RNF125: variants seen among roughly 807,000 people sequenced by gnomAD.
RNF125 encodes the protein E3 ubiquitin-protein ligase RNF125.
In RNF125, 21 loss-of-function variants were observed where a neutral mutation model predicts 26.0. The ratio of observed to expected loss-of-function variants is 0.81; its 90% CI spans 0.57 to 1.16. The LOEUF is 1.16. Among genes scored for constraint, RNF125 ranks in the 50% most tolerant of loss-of-function variants. The probability of loss-of-function intolerance (pLI) is 0.00; values close to 1 mark genes in which losing one functional copy is unlikely to be tolerated. For missense variants in RNF125, 270 were observed against 299.4 expected, an observed-to-expected ratio of 0.90 and a Z score of 0.72; for synonymous variants, 95 against 109.2, an observed-to-expected ratio of 0.87 and a Z score of 0.81.
chr18:32,029,363 A>T (rs909951884), intron 1 of RNF125, among the ~76,000 whole-genome samples: 31 of 151,486 alleles, frequency 2.0e-4, no homozygotes, highest in African/African-American at 7.3e-4. Context: ...GTGGTGGTTC[A>T]TGCCTGTAAT....
At chr18:32,055,979 C>CA (rs67968645) in intron 4 of RNF125, among the ~76,000 whole-genome samples, 23,363 of 78,470 alleles carry the variant, frequency 0.3, 4,043 homozygotes, top group East Asian at 0.44. Flanking sequence ...AACTCCATCT[C>CA]AAAAAAAAAA....
At chr18:32,031,109 A>C (rs1306494825) in intron 1 of RNF125, 1 of 152,022 alleles carries the variant, frequency 6.6e-6, no homozygotes, top group East Asian at 1.9e-4. Context: ...CCAAGTTTTC[A>C]TGCTTGAACT....
In RNF125 at chr18:32,069,326, AATATTTTTCAAATATTTATAGC is replaced by A. The variant is rs1489805716; in HGVS notation, c.*943_*964del. Reference sequence around the variant, plus strand: ...TTTATAACTGCATACATAAGAATTCAATATTTTTCAAATATTTATAGCTTATTTAGAAATATTTCTATAATAT... The same window carrying A: ...TTTATAACTGCATACATAAGAATTCATTATTTAGAAATATTTCTATAATAT... On this transcript the variant is annotated 3_prime_UTR_variant, in exon 6 of 6. Transcript: ENST00000217740. The A allele has an allele frequency of 6.6e-6, 1 of 152,226 alleles. No individual in the cohort carries two copies. The highest frequency in any genetic ancestry group is 1.5e-5 in the Non-Finnish European group (1 of 68,048). The allele number at this position is 152,226 out of a possible 1,614,324, so 9.4% of individuals were successfully genotyped here.
intron 4 of RNF125, among the ~76,000 whole-genome samples, chr18:32,048,843 G>A (rs950355793): frequency 6.6e-6 from 1 of 152,202 alleles, no homozygotes; most frequent in Non-Finnish European, 1.5e-5. Context: ...TTCACAATAG[G>A]TCCCTGGGGA....
chr18:32,066,134 C>T, intron 5 of RNF125, 125 bp downstream of exon 5: 1 of 585,458 alleles, frequency 1.7e-6, no homozygotes, highest in Non-Finnish European at 3.0e-6. Flanking sequence ...TGAGTATTAG[C>T]ATTAAGTAAG....
chr18:32,044,842 C>T (rs757292949), intron 3 of RNF125, among the ~76,000 whole-genome samples: 6 of 151,272 alleles, frequency 4.0e-5, no homozygotes, highest in South Asian at 2.1e-4. Flanking sequence ...ACCTGCAGTC[C>T]GGGCGAGGTG....
chr18:32,028,315 A>T (rs1345123578), intron 1 of RNF125, among the ~76,000 whole-genome samples: 1 of 150,366 alleles, frequency 6.7e-6, no homozygotes, highest in South Asian at 2.1e-4. Flanking sequence ...AAAAAAAAAA[A>T]AAAAAAAAAA....
chr18:32,064,057 C>T (rs550872760), intron 4 of RNF125, among the ~76,000 whole-genome samples: 30 of 149,704 alleles, frequency 2.0e-4, no homozygotes, highest in African/African-American at 6.6e-4. Flanking sequence ...TGCAGTGGTG[C>T]GATCTCGGCT....
the RNF125 span, among the ~76,000 whole-genome samples, chr18:32,080,231 G>A: frequency 6.6e-6 from 1 of 152,150 alleles, no homozygotes; most frequent in African/African-American, 2.4e-5. Flanking sequence ...GTTTCACCAT[G>A]TTGGCCAGGC....
At chr18:32,074,056 G>A (rs1426416859), downstream of RNF125, among the ~76,000 whole-genome samples, 1 of 152,196 alleles carries the variant, frequency 6.6e-6, no homozygotes, top group Non-Finnish European at 1.5e-5. Flanking sequence ...ACAGGGAGTA[G>A]TATTGATCTA....
chr18:32,033,222 T>C (rs112564974), intron 1 of RNF125, among the ~76,000 whole-genome samples: 1 of 152,180 alleles, frequency 6.6e-6, no homozygotes, highest in Non-Finnish European at 1.5e-5. Context: ...AAATTTGTTT[T>C]TCCATACCAC....
chr18:32,076,954 CTG>C (rs2039574383), downstream of RNF125, among the ~76,000 whole-genome samples: 1 of 152,158 alleles, frequency 6.6e-6, no homozygotes, highest in South Asian at 2.1e-4. Flanking sequence ...TATTGTTTTA[CTG>C]TAATGTCTCC....
rs7227035 is a variant in RNF125 at position 32,070,322 on chromosome 18, G to A, written c.*1938G>A. The A allele has an allele frequency of 0.041, 6,280 of 152,446 alleles. 160 individuals carry two copies. Among genetic ancestry groups the A allele is most frequent in the Middle Eastern group, 0.061 (18 of 294 alleles). The allele number at this position is 152,446 out of a possible 1,614,324, so 9.4% of individuals were successfully genotyped here. ...CAAAATGCTGGGATTACAGGCATGAGCCACCATGCCCAGCTAATTTTTGTA... is the reference window on the plus strand; with the variant it reads ...CAAAATGCTGGGATTACAGGCATGAACCACCATGCCCAGCTAATTTTTGTA... On this transcript the variant is annotated 3_prime_UTR_variant, in exon 6 of 6. Transcript: ENST00000217740.
chr18:32,044,789 G>A (rs1441729428), intron 3 of RNF125, among the ~76,000 whole-genome samples: 1 of 152,118 alleles, frequency 6.6e-6, no homozygotes, highest in Non-Finnish European at 1.5e-5. Flanking sequence ...ATAACTATGT[G>A]CATCAGCCTA....
the RNF125 span, among the ~76,000 whole-genome samples, chr18:32,084,780 G>A: frequency 3.9e-5 from 6 of 152,080 alleles, no homozygotes; most frequent in African/African-American, 1.2e-4. Flanking sequence ...CAGGGTCACC[G>A]GGGCTACTCA....
intron 1 of RNF125, among the ~76,000 whole-genome samples, chr18:32,025,935 T>G (rs2039030127): frequency 6.6e-6 from 1 of 151,650 alleles, no homozygotes; most frequent in African/African-American, 2.4e-5. Context: ...TTAGTAGGAG[T>G]CTGAGGAACA....
At chr18:32,038,372 A>G (rs1248762053) in intron 2 of RNF125, among the ~76,000 whole-genome samples, 1 of 152,144 alleles carries the variant, frequency 6.6e-6, no homozygotes, top group East Asian at 1.9e-4. Flanking sequence ...ATGTACATAT[A>G]TCATCTGCAG....
intron 4 of RNF125, among the ~76,000 whole-genome samples, chr18:32,057,842 C>T (rs776776992): frequency 6.6e-6 from 1 of 152,098 alleles, no homozygotes; most frequent in Non-Finnish European, 1.5e-5. Flanking sequence ...AGATTGCTGG[C>T]CTCTGCCCCT....
At chr18:32,082,734 G>A in the RNF125 span, among the ~76,000 whole-genome samples, 1 of 152,166 alleles carries the variant, frequency 6.6e-6, no homozygotes, top group Non-Finnish European at 1.5e-5. Context: ...ATGGACAGGT[G>A]ACTAAGTTTT....
Sources: allele counts gnomAD v4.1 joint callset (sites outside exome capture counted in the v4.1 genomes callset), GRCh38; gene constraint gnomAD v4.1.1; transcripts MANE v1.5; gene names NCBI Gene and HGNC (gene_info 2026-07-23, HGNC 2026-07-21).